The following OSBPL10 variants were observed in gnomAD, a reference collection of about 807,000 sequenced individuals.
OSBPL10 encodes the protein oxysterol-binding protein-related protein 10.
OSBPL10 carries 49 observed loss-of-function variants against 81.7 expected under a neutral mutation model. The ratio of observed to expected loss-of-function variants is 0.60; its 90% CI spans 0.48 to 0.76. The LOEUF (loss-of-function observed/expected upper bound fraction) is 0.76, where lower values mean the gene tolerates loss of function less well. OSBPL10 is among the 30% of genes least tolerant of loss of function. The pLI is 0.00. For synonymous variants in OSBPL10, 419 were observed against 383.6 expected (o/e 1.09, Z -1.08); for missense variants, 923 against 987.8 (o/e 0.93, Z 0.88).
intron 1 of OSBPL10, among the ~76,000 whole-genome samples, chr3:31,973,090 C>T (rs1301774277): frequency 6.6e-6 from 1 of 152,186 alleles, no homozygotes; most frequent in Admixed American, 6.5e-5. Context: ...CAAATCGCAT[C>T]AGTGGGAGCC....
Position 31,761,813 on chromosome 3 carries a change from T to TAAAAAAAAAAAAAAAA in OSBPL10, c.730-13709_730-13694dup, listed in dbSNP as rs34579457. ...CTGGGCAACAGAGCAAGACTGTCTC[T>TAAAAAAAAAAAAAAAA]AAAAAAAAAAAAAAAAAACCCTAAA... On this transcript the variant is annotated intron_variant, in intron 4 of 11. Transcript: ENST00000396556. Among the ~76,000 whole-genome samples the TAAAAAAAAAAAAAAAA allele has an allele frequency of 2.8e-4, 30 of 107,514 alleles. 1 individual carries two copies. Among genetic ancestry groups the TAAAAAAAAAAAAAAAA allele is most frequent in the African/African-American group, 1.8e-3 (29 of 15,690 alleles). 70.5% of individuals were successfully genotyped at this position (107,514 alleles called of 152,430 possible).
chr3:31,741,333 C>T (rs777730700), intron 5 of OSBPL10, among the ~76,000 whole-genome samples: 7 of 152,350 alleles, frequency 4.6e-5, no homozygotes, highest in Admixed American at 6.5e-5. Flanking sequence ...GGCACAATCT[C>T]GGCTCACTGC....
intron 1 of OSBPL10, among the ~76,000 whole-genome samples, chr3:32,056,481 G>A (rs922630425): frequency 6.6e-6 from 1 of 152,146 alleles, no homozygotes. Flanking sequence ...TACTCTTTGT[G>A]TAGGAATGCA....
intron 6 of OSBPL10, among the ~76,000 whole-genome samples, chr3:31,720,589 G>A (rs1249660808): frequency 1.3e-5 from 2 of 152,116 alleles, no homozygotes; most frequent in African/African-American, 4.8e-5. Flanking sequence ...CTCCCCTGCT[G>A]CTGTAGGTGG....
At position 31,683,875 on chromosome 3, in the gene OSBPL10, C is replaced by T; in HGVS notation, c.1485G>A (p.Lys495=). Reference sequence around the variant, plus strand: ...CAGTCCTCTTAGGCTTGACCCTGTCCTTGGGAACTTCCCAGGAGCAGTGAA... The same window carrying T: ...CAGTCCTCTTAGGCTTGACCCTGTCTTTGGGAACTTCCCAGGAGCAGTGAA... The part of the protein sequence containing the change: ...ETFHCSWEVP[K]DRVKPKRTAS... The change falls in exon 8 of 12, where the codon AAG becomes AAA. Residue 495 remains lysine (K), a synonymous_variant. Transcript: ENST00000396556. 1.2e-6 allele frequency: 2 copies of T among 1,614,238 alleles called. No homozygotes were observed. The highest frequency in any genetic ancestry group is 1.7e-6 in the Non-Finnish European group (2 of 1,180,052).
At chr3:32,069,310 G>A (rs1242983156) in intron 1 of OSBPL10, among the ~76,000 whole-genome samples, 3 of 152,044 alleles carry the variant, frequency 2.0e-5, no homozygotes, top group African/African-American at 4.8e-5. Context: ...ATAACCACCA[G>A]CTTCATGAGC....
At chr3:31,889,803 A>T (rs1055906441) in intron 1 of OSBPL10, among the ~76,000 whole-genome samples, 1 of 152,166 alleles carries the variant, frequency 6.6e-6, no homozygotes, top group East Asian at 1.9e-4. Flanking sequence ...AGGATATTGC[A>T]TGTTCCCAGC....
chr3:31,749,965 G>A (rs1697661233), intron 4 of OSBPL10, among the ~76,000 whole-genome samples: 1 of 151,890 alleles, frequency 6.6e-6, no homozygotes, highest in African/African-American at 2.4e-5. Flanking sequence ...TGGATCACTT[G>A]AGGTCAGGAG....
intron 6 of OSBPL10, chr3:31,703,821 G>A (rs1333064590): frequency 6.6e-6 from 1 of 152,168 alleles, no homozygotes; most frequent in African/African-American, 2.4e-5. Flanking sequence ...TATTCCCCCA[G>A]CCAAAAGCTG....
chr3:32,070,122 C>T (rs757835037), intron 1 of OSBPL10, among the ~76,000 whole-genome samples: 5 of 152,188 alleles, frequency 3.3e-5, no homozygotes, highest in African/African-American at 4.8e-5. Flanking sequence ...TCACGGACGC[C>T]GAGCTTTAGG....
rs772522130 is a variant in OSBPL10 at position 31,990,762 on chromosome 3, T to C, written n.298+55729A>G. Reference sequence around the variant, plus strand: ...ATGAAACACATAAGAGAATTCATACTGGAGAGAAACCTTACAAATGTGATG... The same window carrying C: ...ATGAAACACATAAGAGAATTCATACCGGAGAGAAACCTTACAAATGTGATG... On this transcript the variant is annotated intron_variant and non_coding_transcript_variant, in intron 2 of 3. Coordinates refer to the OSBPL10 transcript ENST00000479173. 42 of 1,613,748 alleles carry C rather than the reference T, an allele frequency of 2.6e-5. No individual in the cohort carries two copies. The South Asian group carries it at 4.4e-4, about 17-fold the overall frequency.
At chr3:31,864,984 G>A (rs1208361594) in intron 3 of OSBPL10, among the ~76,000 whole-genome samples, 1 of 151,974 alleles carries the variant, frequency 6.6e-6, no homozygotes, top group Non-Finnish European at 1.5e-5. Context: ...CTGTTGCACA[G>A]GTGAGGCAAG....
intron 4 of OSBPL10, 57 bp downstream of exon 4, chr3:31,829,983 C>T (rs560780299): frequency 6.7e-7 from 1 of 1,499,382 alleles, no homozygotes; most frequent in East Asian, 2.3e-5. Context: ...GGCAGAGCGA[C>T]TGTCACAGCC....
chr3:31,824,151 C>T (rs945045987), intron 4 of OSBPL10, among the ~76,000 whole-genome samples: 6 of 152,162 alleles, frequency 3.9e-5, no homozygotes, highest in Admixed American at 6.5e-5. Context: ...TGAGCCACCA[C>T]GCCCTGCCCC....
intron 2 of OSBPL10, among the ~76,000 whole-genome samples, chr3:31,999,039 G>A (rs920250240): frequency 6.6e-6 from 1 of 152,204 alleles, no homozygotes; most frequent in South Asian, 2.1e-4. Context: ...TTACAAATTT[G>A]TATCAGCCAG....
intron 1 of OSBPL10, chr3:31,919,362 T>C (rs1696848453): frequency 6.6e-6 from 1 of 152,222 alleles, no homozygotes; most frequent in Non-Finnish European, 1.5e-5. Context: ...ATTTGGTTGC[T>C]TGAGGATACA....
rs182303351 is a variant in OSBPL10, at chr3:31,902,624, G to A, written c.282-22794C>T. Among the ~76,000 whole-genome samples, 8 of 151,616 alleles carry A rather than the reference G, an allele frequency of 5.3e-5. No homozygotes were observed. The East Asian group carries it at 9.8e-4, about 19-fold the overall frequency. ...GTCGCCCAGGCTGGAGTGCAGTGGC[G>A]CAATCTCGGCTCACTGCAAGCTCCA... is the stretch of plus-strand genomic sequence containing the variant. On this transcript the variant is annotated intron_variant, in intron 1 of 11. Transcript: ENST00000396556.
chr3:32,026,059 ATAGATAG>A lies in OSBPL10; in HGVS notation n.298+20425_298+20431del, dbSNP rs1559551452. 2.8e-3 allele frequency among the ~76,000 whole-genome samples: 247 copies of A among 87,400 alleles called. 3 individuals carry two copies. In the East Asian group the frequency reaches 0.065, roughly 23 times the overall value. The allele number at this position is 87,400 out of a possible 152,430, so 57.3% of individuals were successfully genotyped here. On this transcript the variant is annotated intron_variant and non_coding_transcript_variant, in intron 2 of 3. Coordinates refer to the OSBPL10 transcript ENST00000479173. ...AGATAGATAGATAGATAGATAGATG[ATAGATAG>A]ATAGATAGATAGATAGATAGATAGA...
At chr3:31,968,771 A>G (rs1285432171) in intron 1 of OSBPL10, among the ~76,000 whole-genome samples, 1 of 152,222 alleles carries the variant, frequency 6.6e-6, no homozygotes, top group Non-Finnish European at 1.5e-5. Flanking sequence ...GAAATTCCAA[A>G]TTAACTAAAC....
Sources: gnomAD v4.1 joint callset for allele counts (sites outside exome capture counted in the v4.1 genomes callset) on GRCh38, gnomAD v4.1.1 for gene constraint, MANE v1.5 for transcripts, NCBI Gene and HGNC (gene_info 2026-07-23, HGNC 2026-07-21) for gene names.